LIMS2: variants seen among roughly 807,000 people sequenced by gnomAD.
LIMS2 encodes the protein LIM zinc finger domain containing 2.
Under a neutral mutation model 45.3 loss-of-function variants are expected in LIMS2, and 30 were observed. The ratio of observed to expected loss-of-function variants is 0.66; its 90% confidence interval spans 0.50 to 0.90. LIMS2 has a LOEUF of 0.90. Among genes scored for constraint, LIMS2 ranks in the 40% least tolerant of loss-of-function variants. The probability of loss-of-function intolerance (pLI) is 0.00; values close to 1 mark genes in which losing one functional copy is unlikely to be tolerated. For missense variants in LIMS2, 485 were observed against 468.7 expected (o/e 1.03, Z -0.32); for synonymous variants, 173 against 188.0 (o/e 0.92, Z 0.65).
chr2:127,649,257 G>A (rs571900523), intron 4 of LIMS2, among the ~76,000 whole-genome samples: 1 of 151,354 alleles, frequency 6.6e-6, no homozygotes, highest in East Asian at 1.9e-4. Flanking sequence ...GCAGGACCCC[G>A]GCTGTTCGGT....
At chr2:127,648,034 C>T (rs1445487338) in intron 4 of LIMS2, 4 of 985,772 alleles carry the variant, frequency 4.1e-6, no homozygotes, top group African/African-American at 1.7e-5. Flanking sequence ...AAGCATCACT[C>T]ACCCCGCCTT....
At chr2:127,654,317 C>T (rs958385921) in intron 4 of LIMS2, 107 bp downstream of exon 4, 21 of 1,486,312 alleles carry the variant, frequency 1.4e-5, no homozygotes, top group African/African-American at 4.1e-5. Context: ...GCTGCAGCAC[C>T]GGGACCCTTC....
Position 127,642,159 on chromosome 2 carries a change from G to T in LIMS2, c.550C>A (p.Leu184Ile). Reference protein sequence around the residue: ...TAEARELKGELYCLPCHDKMG... With the variant: ...TAEARELKGEIYCLPCHDKMG... ...TTGTCATGGCAGGGCAGGCAGTAGAGCTCACCCTTCAGCTCGCGGGCCTCG... is the reference window on the plus strand; with the variant it reads ...TTGTCATGGCAGGGCAGGCAGTAGATCTCACCCTTCAGCTCGCGGGCCTCG... Residue 184 changes from leucine (L) to isoleucine (I), a missense_variant, in exon 6 of 10, where the codon CTC (leucine) becomes ATC (isoleucine). Leu to Ile is a conservative substitution (Grantham distance 5, BLOSUM62 2). Coordinates refer to ENST00000355119, the MANE Select transcript of LIMS2 (RefSeq NM_001161403.3). This position sits in a 1 kb window ranked among gnomAD's most constrained non-coding sequence, Gnocchi z 5.3. 1 of 1,588,620 alleles carries T rather than the reference G, an allele frequency of 6.3e-7. No homozygotes were observed. Among genetic ancestry groups the T allele is most frequent in the Non-Finnish European group, 8.6e-7 (1 of 1,165,142 alleles).
rs70985469 is a variant in LIMS2, at chr2:127,668,668, C to CAAAAAAAAAAAAAAAAAAAAAAAAA, written c.11+6321_11+6345dup. ...TGGGTGACAGAGTGAGACTCCGTCTCAAAAAAAAAAAAAAAAAAAAAAAAA... is the reference window on the plus strand; with the variant it reads ...TGGGTGACAGAGTGAGACTCCGTCTCAAAAAAAAAAAAAAAAAAAAAAAAAAAAAAAAAAAAAAAAAAAAAAAAAA... On this transcript the variant is annotated intron_variant, in intron 1 of 9. Coordinates refer to ENST00000355119, the MANE Select transcript of LIMS2 (RefSeq NM_001161403.3). Among the ~76,000 whole-genome samples the CAAAAAAAAAAAAAAAAAAAAAAAAA allele has an allele frequency of 1.2e-4, 2 of 17,250 alleles. 1 individual carries two copies. The highest frequency in any genetic ancestry group is 2.2e-4 in the Non-Finnish European group (2 of 9,054). The allele number at this position is 17,250 out of a possible 152,430, so 11.3% of individuals were successfully genotyped here. A position where few individuals can be genotyped will look rare whatever the true frequency, so the allele number is the denominator to read the frequency against.
chr2:127,674,964 G>A, intron 1 of LIMS2, 50 bp downstream of exon 1: 13 of 1,227,470 alleles, frequency 1.1e-5, no homozygotes, highest in Non-Finnish European at 1.3e-5. Flanking sequence ...TCGGCCAGGG[G>A]TCCCGCAGTC....
At position 127,671,249 on chromosome 2, in the gene LIMS2, G is replaced by T. The variant is rs992776852; in HGVS notation, c.11+3765C>A. On this transcript the variant is annotated intron_variant, in intron 1 of 9. Coordinates refer to ENST00000355119, the MANE Select transcript of LIMS2 (RefSeq NM_001161403.3). This position sits in a 1 kb window ranked among gnomAD's most constrained non-coding sequence, Gnocchi z 4.1. The stretch of plus-strand genomic sequence containing the variant: ...GATCAAGACCACCATGGCCAACACG[G>T]TAAAACCCCATCTCCAATAAAAATA... 2.0e-5 allele frequency among the ~76,000 whole-genome samples: 3 copies of T among 152,080 alleles called. No individual in the cohort carries two copies. The highest frequency in any genetic ancestry group is 6.6e-5 in the Admixed American group (1 of 15,258).
intron 2 of LIMS2, among the ~76,000 whole-genome samples, chr2:127,656,661 T>C (rs1684276935): frequency 6.6e-6 from 1 of 152,150 alleles, no homozygotes; most frequent in Non-Finnish European, 1.5e-5. Context: ...GTGATCCATC[T>C]GCCTCCGCCT....
chr2:127,655,282 G>A, intron 2 of LIMS2: 1 of 296,036 alleles, frequency 3.4e-6, no homozygotes, highest in Non-Finnish European at 6.7e-6. Context: ...TTCTCTGTGG[G>A]AGTATCCAGC....
chr2:127,672,817 G>A lies in LIMS2; in HGVS notation c.11+2197C>T, dbSNP rs531909613. Among the ~76,000 whole-genome samples the A allele has an allele frequency of 6.6e-6, 1 of 152,352 alleles. No individual in the cohort carries two copies. Among genetic ancestry groups the A allele is most frequent in the South Asian group, 2.1e-4 (1 of 4,828 alleles). On this transcript the variant is annotated intron_variant, in intron 1 of 9. Transcript: ENST00000355119. This position sits in a 1 kb window ranked among gnomAD's most constrained non-coding sequence, Gnocchi z 4.9. Reference sequence around the variant, plus strand: ...TCTGCTCTTGCCTGGTGAGGTCCTAGGGAGAGCTGGCAGGGAGAAGCCCTG... The same window carrying A: ...TCTGCTCTTGCCTGGTGAGGTCCTAAGGAGAGCTGGCAGGGAGAAGCCCTG...
Position 127,672,997 on chromosome 2 carries a change from A to G in LIMS2, c.11+2017T>C, listed in dbSNP as rs1685336238. 6.6e-6 allele frequency among the ~76,000 whole-genome samples: 1 copy of G among 152,206 alleles called. No individual in the cohort carries two copies. The highest frequency in any genetic ancestry group is 2.4e-5 in the African/African-American group (1 of 41,454). On this transcript the variant is annotated intron_variant, in intron 1 of 9. Coordinates refer to ENST00000355119, the MANE Select transcript of LIMS2 (RefSeq NM_001161403.3). This position sits in a 1 kb window ranked among gnomAD's most constrained non-coding sequence, Gnocchi z 4.9. ...AGGGCACCCAGCATGAAACGGTGGA[A>G]ATGAAACTCCACTGCTTCTGGGACA...
At chr2:127,668,698 A>AAAAAAAAAAAAAAAAAAACC (rs1685143215) in intron 1 of LIMS2, among the ~76,000 whole-genome samples, 1 of 77,774 alleles carries the variant, frequency 1.3e-5, no homozygotes, top group Non-Finnish European at 2.7e-5. Context: ...AAAAAAAAAA[A>AAAAAAAAAAAAAAAAAAACC]AAAAAAAAAA....
chr2:127,664,528 T>C lies in LIMS2; in HGVS notation c.12-6966A>G. 1 of 1,152,632 alleles carries C rather than the reference T, an allele frequency of 8.7e-7. No homozygotes were observed. Among genetic ancestry groups the C allele is most frequent in the African/African-American group, 1.6e-5 (1 of 61,510 alleles). 71.4% of individuals were successfully genotyped at this position (1,152,632 alleles called of 1,614,324 possible). The stretch of plus-strand genomic sequence containing the variant: ...CGTGTGGGCGCCTCCCCCGCGCTGG[T>C]CGCGAGCTCACGTTACGCGCTGGGA... On this transcript the variant is annotated intron_variant, in intron 1 of 9. Coordinates refer to ENST00000355119, the MANE Select transcript of LIMS2 (RefSeq NM_001161403.3). The surrounding 1 kb of genome is among the most constrained non-coding windows in gnomAD (Gnocchi z 5.5).
intron 1 of LIMS2, chr2:127,674,563 T>C: frequency 5.4e-6 from 5 of 923,086 alleles, no homozygotes; most frequent in Non-Finnish European, 5.2e-6. Flanking sequence ...ATTTTTAACA[T>C]TTTTACCACC....
Position 127,640,312 on chromosome 2 carries a change from C to T in LIMS2, c.760G>A (p.Gly254Arg), listed in dbSNP as rs184319967. The T allele has an allele frequency of 2.3e-5, 37 of 1,612,870 alleles. No homozygotes were observed. Among genetic ancestry groups the T allele is most frequent in the East Asian group, 6.7e-5 (3 of 44,864 alleles). Residue 254 changes from glycine to arginine, a missense_variant, in exon 8 of 10, where the codon GGG (glycine) becomes AGG (arginine). Gly to Arg is a moderately radical substitution (Grantham distance 125, BLOSUM62 -2). Transcript: ENST00000355119. ...TGGCTGCAGTTGTAGCAGACGTCCC[C>T]GAAGAGCTGTGGGCCGAGCAGGCTG... ...YCETHYNQLF[G>R]DVCYNCSHVI...
intron 1 of LIMS2, among the ~76,000 whole-genome samples, chr2:127,659,173 T>G (rs1205025581): frequency 6.6e-6 from 1 of 152,208 alleles, no homozygotes; most frequent in Non-Finnish European, 1.5e-5. Flanking sequence ...CTGTCCTTTC[T>G]TCTCTGCTTA....
intron 1 of LIMS2, among the ~76,000 whole-genome samples, chr2:127,665,560 T>C (rs1272355681): frequency 6.6e-6 from 1 of 152,142 alleles, no homozygotes; most frequent in Non-Finnish European, 1.5e-5. Flanking sequence ...GTTCAACAAA[T>C]AGTTTTTAAA....
intron 4 of LIMS2, chr2:127,650,988 C>G (rs1378114353): frequency 6.2e-7 from 1 of 1,613,834 alleles, no homozygotes. Context: ...GCTGGTCCTG[C>G]CCACCCGCCT....
chr2:127,679,891 G>C (rs1685580089), upstream of LIMS2, among the ~76,000 whole-genome samples: 1 of 152,162 alleles, frequency 6.6e-6, no homozygotes, highest in African/African-American at 2.4e-5. The surrounding 1 kb of genome is among the most constrained non-coding windows in gnomAD (Gnocchi z 5.3). Flanking sequence ...CCAGGTCCTG[G>C]GGCAGGAGCT....
chr2:127,677,058 G>A (rs1488869482), upstream of LIMS2, among the ~76,000 whole-genome samples: 4 of 152,208 alleles, frequency 2.6e-5, no homozygotes, highest in Non-Finnish European at 5.9e-5. This position sits in a 1 kb window ranked among gnomAD's most constrained non-coding sequence, Gnocchi z 5.0. Context: ...CCCTGGGCCA[G>A]GGCAAGCTCA....
Sources: gnomAD v4.1 joint callset for allele counts (sites outside exome capture counted in the v4.1 genomes callset) on GRCh38, gnomAD v4.1.1 for gene constraint, Gnocchi (gnomAD v3.1) non-coding constraint, MANE v1.5 for transcripts, NCBI Gene and HGNC (gene_info 2026-07-23, HGNC 2026-07-21) for gene names.